Variants in AGPAT3 observed in about 807,000 individuals in gnomAD.
AGPAT3 encodes the protein 1-acylglycerol-3-phosphate O-acyltransferase 3.
Under a neutral mutation model 47.3 loss-of-function variants are expected in AGPAT3, and 5 were observed. That is an observed-to-expected ratio of 0.11 (90% CI 0.06 to 0.22). AGPAT3 has a LOEUF of 0.22. Among genes scored for constraint, AGPAT3 ranks in the 10% least tolerant of loss-of-function variants. The probability of loss-of-function intolerance (pLI) is 1.00; values close to 1 mark genes in which losing one functional copy is unlikely to be tolerated. For missense variants in AGPAT3, 315 were observed against 493.0 expected (o/e 0.64, Z 3.42); for synonymous variants, 212 against 208.3 (o/e 1.02, Z -0.15).
At position 43,952,205 on chromosome 21, in the gene AGPAT3, G is replaced by C. The variant is rs1485650906; in HGVS notation, c.-48-7429G>C. ...CTTTTGTCGTCCTGTGGTCCTGGAG[G>C]CTGCAGGTCCAAGGTCAAGGATTCC... On this transcript the variant is annotated intron_variant, in intron 2 of 9. Transcript: ENST00000291572. This position sits in a 1 kb window ranked among gnomAD's most constrained non-coding sequence, Gnocchi z 5.6. Among the ~76,000 whole-genome samples the C allele has an allele frequency of 6.6e-6, 1 of 152,164 alleles. No individual in the cohort carries two copies. The highest frequency in any genetic ancestry group is 1.5e-5 in the Non-Finnish European group (1 of 68,028).
chr21:43,881,444 G>A (rs9976100), intron 1 of AGPAT3, among the ~76,000 whole-genome samples: 16,830 of 152,202 alleles, frequency 0.11, 1,828 homozygotes, highest in African/African-American at 0.28. Context: ...CTCAGCCTGT[G>A]CTGTCTGGGG....
At chr21:43,905,972 C>T (rs995349008) in intron 2 of AGPAT3, among the ~76,000 whole-genome samples, 7 of 152,192 alleles carry the variant, frequency 4.6e-5, no homozygotes, top group East Asian at 1.9e-4. Flanking sequence ...GGGGAGAAAC[C>T]GGCCAAGGCG....
intron 2 of AGPAT3, among the ~76,000 whole-genome samples, chr21:43,919,032 G>A (rs1953728633): frequency 6.6e-6 from 1 of 152,084 alleles, no homozygotes; most frequent in Admixed American, 6.6e-5. Context: ...ACTGGGTGAA[G>A]TTTGTTTTTA....
At chr21:43,871,591 G>GTAGA (rs910733459) in intron 1 of AGPAT3, among the ~76,000 whole-genome samples, 25 of 152,204 alleles carry the variant, frequency 1.6e-4, no homozygotes, top group African/African-American at 5.8e-4. Context: ...CGCAAAGCTG[G>GTAGA]TAGATGCAAA....
rs938560124 is a variant in AGPAT3 at position 43,972,089 on chromosome 21, G to T, written c.767+599G>T. ...GCCCTGGTGATGGCAGCCGCAGCAC[G>T]CGAGGGACCGCAGTGTCTGAAGGAG... is the stretch of plus-strand genomic sequence containing the variant. On this transcript the variant is annotated intron_variant, in intron 7 of 9. Transcript: ENST00000291572. Among the ~76,000 whole-genome samples the T allele has an allele frequency of 3.3e-5, 5 of 152,306 alleles. No individual in the cohort carries two copies. In the South Asian group the frequency reaches 8.3e-4, roughly 25 times the overall value.
intron 7 of AGPAT3, among the ~76,000 whole-genome samples, chr21:43,974,144 C>T (rs67020829): frequency 0.081 from 12,273 of 150,742 alleles, 745 homozygotes; most frequent in African/African-American, 0.17. Context: ...GTGTGGTGTA[C>T]GTATGTGCAT....
chr21:43,981,329 A>G lies in AGPAT3; in HGVS notation c.1042+142A>G, dbSNP rs2146952999. 2.1e-6 allele frequency: 2 copies of G among 930,686 alleles called. No homozygotes were observed. Among genetic ancestry groups the G allele is most frequent in the East Asian group, 2.6e-5 (1 of 39,038 alleles). 57.7% of individuals were successfully genotyped at this position (930,686 alleles called of 1,614,324 possible). On this transcript the variant is annotated intron_variant, in intron 9 of 9. Transcript: ENST00000291572. This position sits in a 1 kb window ranked among gnomAD's most constrained non-coding sequence, Gnocchi z 5.3. Reference sequence around the variant, plus strand: ...TGGACCCTGGAGCCAGGATCCCCCCACGGCCTGCGGGCCTCAGAGCCTGGA... The same window carrying G: ...TGGACCCTGGAGCCAGGATCCCCCCGCGGCCTGCGGGCCTCAGAGCCTGGA...
intron 1 of AGPAT3, among the ~76,000 whole-genome samples, chr21:43,866,209 AAAG>A (rs2085503684): frequency 6.6e-6 from 1 of 151,740 alleles, no homozygotes; most frequent in African/African-American, 2.4e-5. Context: ...TAAAAAAAAA[AAAG>A]CACAATTTTA....
At chr21:43,929,291 T>G (rs1441276630) in intron 2 of AGPAT3, among the ~76,000 whole-genome samples, 1 of 152,230 alleles carries the variant, frequency 6.6e-6, no homozygotes, top group Non-Finnish European at 1.5e-5. Flanking sequence ...CTGGGCCGCA[T>G]GCGGGCTTGT....
intron 1 of AGPAT3, among the ~76,000 whole-genome samples, chr21:43,877,595 A>C (rs1009340158): frequency 6.6e-6 from 1 of 152,114 alleles, no homozygotes; most frequent in African/African-American, 2.4e-5. Context: ...GGCATGCACC[A>C]CCATGCCCTG....
At chr21:43,878,904 C>CTAATTTTTG (rs1455310643) in intron 1 of AGPAT3, among the ~76,000 whole-genome samples, 5 of 152,208 alleles carry the variant, frequency 3.3e-5, no homozygotes, top group African/African-American at 9.6e-5. Flanking sequence ...CCACACCTAG[C>CTAATTTTTG]TAATTTTTGT....
chr21:43,977,023 C>G (rs1172554559), intron 7 of AGPAT3, among the ~76,000 whole-genome samples: 7 of 152,196 alleles, frequency 4.6e-5, no homozygotes, highest in African/African-American at 1.7e-4. Context: ...CAAATTCCAA[C>G]TGACTTTTAA....
In AGPAT3 at chr21:43,954,326, G is replaced by C. The variant is rs1481876048; in HGVS notation, c.-48-5308G>C. 6.6e-6 allele frequency among the ~76,000 whole-genome samples: 1 copy of C among 152,170 alleles called. No homozygotes were observed. The highest frequency in any genetic ancestry group is 1.5e-5 in the Non-Finnish European group (1 of 68,030). ...CAGGCGGGCTGGGTGTGGGGAGGTG[G>C]AACAGGGTACCTGCGAGGTCTGTGA... On this transcript the variant is annotated intron_variant, in intron 2 of 9. Coordinates refer to ENST00000291572, the MANE Select transcript of AGPAT3 (RefSeq NM_020132.5). The surrounding 1 kb of genome is among the most constrained non-coding windows in gnomAD (Gnocchi z 4.0).
chr21:43,877,387 G>C (rs1003205375), intron 1 of AGPAT3, among the ~76,000 whole-genome samples: 2 of 152,196 alleles, frequency 1.3e-5, no homozygotes, highest in Admixed American at 6.5e-5. Flanking sequence ...GGCATGTGAG[G>C]TTTCAAAAGT....
intron 2 of AGPAT3, among the ~76,000 whole-genome samples, chr21:43,941,617 T>G (rs2087658470): frequency 6.6e-6 from 1 of 151,922 alleles, no homozygotes; most frequent in South Asian, 2.1e-4. Flanking sequence ...CCTCTGAGAG[T>G]TTGAGCAAGG....
intron 2 of AGPAT3, among the ~76,000 whole-genome samples, chr21:43,927,034 T>G (rs982773438): frequency 2.0e-5 from 3 of 148,170 alleles, no homozygotes; most frequent in Non-Finnish European, 3.0e-5. Flanking sequence ...CCTAGGCTAG[T>G]CTCAAACTCC....
chr21:43,972,438 G>A (rs562522320), intron 7 of AGPAT3, among the ~76,000 whole-genome samples: 25 of 152,290 alleles, frequency 1.6e-4, no homozygotes, highest in East Asian at 1.2e-3. Flanking sequence ...GAGCCACCAC[G>A]TTGGGCCGAA....
At chr21:43,972,145 T>C (rs531012476) in intron 7 of AGPAT3, among the ~76,000 whole-genome samples, 1 of 130,330 alleles carries the variant, frequency 7.7e-6, no homozygotes, top group South Asian at 2.5e-4. Flanking sequence ...AGAGCCTGTT[T>C]GATTTTTTTT....
chr21:43,982,313 G>A lies in AGPAT3; in HGVS notation c.1052G>A (p.Gly351Glu), dbSNP rs2089883206. Residue 351 changes from glycine to glutamate, a missense_variant, in exon 10 of 10, where the codon GGA (glycine) becomes GAA (glutamate). Physicochemically the swap from Gly to Glu is moderately conservative, Grantham distance 98. Transcript: ENST00000291572. This position sits in a 1 kb window ranked among gnomAD's most constrained non-coding sequence, Gnocchi z 6.2. The stretch of plus-strand genomic sequence containing the variant: ...TCTCCTGTCTTGAAAGCTTCCTTTG[G>A]AGTTCGCAGACTGATAGGAGTAACT... ...FLGFVGAASF[G>E]VRRLIGVTEI... 3.7e-6 allele frequency: 6 copies of A among 1,613,194 alleles called. No homozygotes were observed.
Sources: gnomAD v4.1 joint callset for allele counts (sites outside exome capture counted in the v4.1 genomes callset) on GRCh38, gnomAD v4.1.1 for gene constraint, Gnocchi (gnomAD v3.1) non-coding constraint, MANE v1.5 for transcripts, NCBI Gene and HGNC (gene_info 2026-07-23, HGNC 2026-07-21) for gene names.